BTG4: variants seen among roughly 807,000 people sequenced by gnomAD.
BTG4 encodes the protein BTG anti-proliferation factor 4.
BTG4 carries 10 observed loss-of-function variants against 19.3 expected under a neutral mutation model. That is an observed-to-expected ratio of 0.52 (90% CI 0.32 to 0.88). The LOEUF is 0.88. Among genes scored for constraint, BTG4 ranks in the 40% least tolerant of loss-of-function variants. The probability of loss-of-function intolerance (pLI) is 0.04; values close to 1 mark genes in which losing one functional copy is unlikely to be tolerated. For missense variants in BTG4, 238 were observed against 281.9 expected, an observed-to-expected ratio of 0.84 and a Z score of 1.11; for synonymous variants, 91 against 95.7, an observed-to-expected ratio of 0.95 and a Z score of 0.29.
the BTG4 span, among the ~76,000 whole-genome samples, chr11:111,461,198 G>A: frequency 6.6e-6 from 1 of 152,200 alleles, no homozygotes; most frequent in East Asian, 1.9e-4. Flanking sequence ...TTCAGAAACT[G>A]TGATAAAAGG....
At chr11:111,444,433 T>C in the BTG4 span, among the ~76,000 whole-genome samples, 1 of 149,784 alleles carries the variant, frequency 6.7e-6, no homozygotes. Context: ...AGTAGAAGGA[T>C]GGTTACCCGA....
At chr11:111,451,417 T>C in the BTG4 span, 1 of 453,274 alleles carries the variant, frequency 2.2e-6, no homozygotes, top group South Asian at 1.6e-5. Context: ...ATGGTTTGTC[T>C]ACGATAATTT....
rs1034519922 is a variant in BTG4 at position 111,498,069 on chromosome 11, A to G, written c.240T>C (p.Asn80=). 1.2e-6 allele frequency: 2 copies of G among 1,614,116 alleles called. No individual in the cohort carries two copies. The highest frequency in any genetic ancestry group is 2.2e-5 in the East Asian group (1 of 44,878). The change falls in exon 3 of 5, where the codon AAT becomes AAC. Residue 80 remains asparagine (N), a synonymous_variant. Transcript: ENST00000692032. ...GAAGTCCCAGGTGAGAAAAATCTAC[A>G]TTACTTTCCACACATGCCCTTTCTA... The part of the protein sequence containing the change: ...PILERACVES[N]VDFSHLGLPK...
chr11:111,466,139 T>C (rs1591436044), downstream of BTG4, among the ~76,000 whole-genome samples: 1 of 152,196 alleles, frequency 6.6e-6, no homozygotes, highest in East Asian at 1.9e-4. Flanking sequence ...TAATTACTTT[T>C]TAATAGATGA....
At chr11:111,446,531 G>A in the BTG4 span, among the ~76,000 whole-genome samples, 1 of 151,996 alleles carries the variant, frequency 6.6e-6, no homozygotes, top group Admixed American at 6.6e-5. Flanking sequence ...CAGGTGATTG[G>A]CAGGGACAGG....
chr11:111,452,568 G>A, the BTG4 span: 1 of 152,246 alleles, frequency 6.6e-6, no homozygotes, highest in Non-Finnish European at 1.5e-5. Context: ...GCTGCTCCTG[G>A]GGCTTTGAGT....
the BTG4 span, among the ~76,000 whole-genome samples, chr11:111,423,822 T>C: frequency 6.6e-6 from 1 of 152,118 alleles, no homozygotes; most frequent in East Asian, 1.9e-4. Flanking sequence ...AAGACCACTT[T>C]CTGGAGGAGC....
At chr11:111,455,118 T>A in the BTG4 span, 1 of 452,516 alleles carries the variant, frequency 2.2e-6, no homozygotes, top group Admixed American at 2.4e-5. Flanking sequence ...TCCTCTCTGG[T>A]CTCTGTGCCC....
chr11:111,452,220 G>T, the BTG4 span, among the ~76,000 whole-genome samples: 1 of 152,226 alleles, frequency 6.6e-6, no homozygotes, highest in Non-Finnish European at 1.5e-5. Flanking sequence ...CATACAGATA[G>T]TCATCTGATT....
the BTG4 span, among the ~76,000 whole-genome samples, chr11:111,424,320 C>T: frequency 6.6e-6 from 1 of 152,182 alleles, no homozygotes; most frequent in Non-Finnish European, 1.5e-5. Context: ...GGATGACTTA[C>T]AAAATGTTGG....
chr11:111,495,520 T>C (rs1340862237), intron 4 of BTG4, among the ~76,000 whole-genome samples: 1 of 152,214 alleles, frequency 6.6e-6, no homozygotes, highest in Non-Finnish European at 1.5e-5. Flanking sequence ...GTTAATTAAT[T>C]CAACTAAAAA....
At chr11:111,386,100 G>A in the BTG4 span, 2 of 152,214 alleles carry the variant, frequency 1.3e-5, no homozygotes, top group South Asian at 4.1e-4. Flanking sequence ...GGAGGTCAAG[G>A]TGAGCTGTAA....
At chr11:111,494,775 T>C, downstream of BTG4, 1 of 680,348 alleles carries the variant, frequency 1.5e-6, no homozygotes, top group Non-Finnish European at 1.8e-6. Flanking sequence ...AAAAATAAAC[T>C]TTTAAAAGTT....
the BTG4 span, among the ~76,000 whole-genome samples, chr11:111,438,914 C>G: frequency 6.6e-6 from 1 of 152,242 alleles, no homozygotes; most frequent in Non-Finnish European, 1.5e-5. Context: ...CTGTCCTATC[C>G]ATCCACCAGA....
At chr11:111,485,648 A>G (rs1865017785) in intron 5 of BTG4, among the ~76,000 whole-genome samples, 1 of 152,216 alleles carries the variant, frequency 6.6e-6, no homozygotes, top group Admixed American at 6.5e-5. Flanking sequence ...AAAAAATAAG[A>G]AAAACTTCAA....
At chr11:111,385,309 A>T in the BTG4 span, 1 of 152,146 alleles carries the variant, frequency 6.6e-6, no homozygotes, top group Non-Finnish European at 1.5e-5. Flanking sequence ...AACAGGAATA[A>T]GTTGGCAGGA....
chr11:111,465,297 G>A (rs1455864864), downstream of BTG4, among the ~76,000 whole-genome samples: 1 of 152,154 alleles, frequency 6.6e-6, no homozygotes, highest in Non-Finnish European at 1.5e-5. Flanking sequence ...GCAGGGAAGT[G>A]CAAACTATGG....
downstream of BTG4, among the ~76,000 whole-genome samples, chr11:111,493,970 C>A (rs1297707956): frequency 6.6e-6 from 1 of 152,148 alleles, no homozygotes; most frequent in African/African-American, 2.4e-5. Context: ...CCACTCAGAG[C>A]CACTGGCCCA....
chr11:111,413,708 T>C, the BTG4 span, among the ~76,000 whole-genome samples: 1 of 152,206 alleles, frequency 6.6e-6, no homozygotes, highest in Non-Finnish European at 1.5e-5. Context: ...GCTGGCATCA[T>C]TCTGAAGGGT....
Sources: gnomAD v4.1 joint callset for allele counts (sites outside exome capture counted in the v4.1 genomes callset) on GRCh38, gnomAD v4.1.1 for gene constraint, MANE v1.5 for transcripts, NCBI Gene and HGNC (gene_info 2026-07-23, HGNC 2026-07-21) for gene names.